FBXO41: variants seen among roughly 807,000 people sequenced by gnomAD.
The protein encoded by FBXO41 is F-box only protein 41.
Under a neutral mutation model 81.6 loss-of-function variants are expected in FBXO41, and 33 were observed. That is an observed-to-expected ratio of 0.40 (90% CI 0.31 to 0.54). The LOEUF (loss-of-function observed/expected upper bound fraction) is 0.54. Among genes scored for constraint, FBXO41 ranks in the 20% least tolerant of loss-of-function variants. The probability of loss-of-function intolerance (pLI) is 0.39; values close to 1 mark genes in which losing one functional copy is unlikely to be tolerated. For synonymous variants in FBXO41, 576 were observed against 552.7 expected, an observed-to-expected ratio of 1.04 and a Z score of -0.59; for missense variants, 1,107 against 1,236.0, an observed-to-expected ratio of 0.90 and a Z score of 1.56.
rs761699672 is a variant in FBXO41, at chr2:73,260,547, G to A, written c.2291C>T (p.Ala764Val). ...GCGVQGLASLARNCMRLQVLE... is the reference protein window; with the variant it reads ...GCGVQGLASLVRNCMRLQVLE... ...GACCTGCAGCCGCATGCAGTTTCTC[G>A]CTAGGAAGAGGAAGAAGGGGGATCC... is the stretch of plus-strand genomic sequence containing the variant. The change falls in exon 11 of 13, where the codon GCG becomes GTG. Residue 764 changes from alanine (A) to valine (V), a missense_variant and splice_region_variant. This residue lies in a region of FBXO41 where 336 missense variants were observed against 446.7 expected (regional missense o/e 0.75). Transcript: ENST00000520530. The surrounding 1 kb of genome is among the most constrained non-coding windows in gnomAD (Gnocchi z 5.0). 1.2e-5 allele frequency: 19 copies of A among 1,586,768 alleles called. No homozygotes were observed. The highest frequency in any genetic ancestry group is 1.7e-4 in the Middle Eastern group (1 of 5,898).
In FBXO41 at chr2:73,266,204, C is replaced by T. The variant is rs1342313360; in HGVS notation, c.1132-238G>A. Among the ~76,000 whole-genome samples the T allele has an allele frequency of 6.6e-6, 1 of 152,170 alleles. No individual in the cohort carries two copies. Among genetic ancestry groups the T allele is most frequent in the East Asian group, 1.9e-4 (1 of 5,178 alleles). On this transcript the variant is annotated intron_variant, in intron 3 of 12. Coordinates refer to ENST00000520530, the MANE Select transcript of FBXO41 (RefSeq NM_001371389.2). The surrounding 1 kb of genome is among the most constrained non-coding windows in gnomAD (Gnocchi z 5.3). Reference sequence around the variant, plus strand: ...CCCCAGCTTGTGGCTCCTGGACTCTCATTTGCAGGGATGGGCAGAGATAGC... The same window carrying T: ...CCCCAGCTTGTGGCTCCTGGACTCTTATTTGCAGGGATGGGCAGAGATAGC...
chr2:73,283,668 G>A (rs1386196133), intron 1 of FBXO41, among the ~76,000 whole-genome samples: 1 of 152,216 alleles, frequency 6.6e-6, no homozygotes, highest in African/African-American at 2.4e-5. Context: ...GATGTGAAGA[G>A]ACAGACACAT....
rs781581407 is a variant in FBXO41, at chr2:73,257,618, A to G, written c.*1364T>C. On this transcript the variant is annotated 3_prime_UTR_variant, in exon 13 of 13. Transcript: ENST00000520530. The surrounding 1 kb of genome is among the most constrained non-coding windows in gnomAD (Gnocchi z 4.6). ...TTTAGATGTTCGAAAGAACTTTCCAAATGAAAGTTGGCAGGACCCCCGGCC... is the reference window on the plus strand; with the variant it reads ...TTTAGATGTTCGAAAGAACTTTCCAGATGAAAGTTGGCAGGACCCCCGGCC... The G allele has an allele frequency of 2.0e-5, 3 of 152,194 alleles. No individual in the cohort carries two copies. Among genetic ancestry groups the G allele is most frequent in the Non-Finnish European group, 4.4e-5 (3 of 68,048 alleles). The allele number at this position is 152,194 out of a possible 1,614,324, so 9.4% of individuals were successfully genotyped here. A position where few individuals can be genotyped will look rare whatever the true frequency, so the allele number is the denominator to read the frequency against.
Position 73,260,637 on chromosome 2 carries a change from C to T in FBXO41, c.2291-90G>A, listed in dbSNP as rs1687982161. ...CTGGCTACCACCCTGCCACCTGCCA[C>T]CACCCAGGCTGCAGCCCCAAGCCCC... On this transcript the variant is annotated intron_variant, in intron 10 of 12. Transcript: ENST00000520530. This position sits in a 1 kb window ranked among gnomAD's most constrained non-coding sequence, Gnocchi z 5.0. 1 of 1,533,720 alleles carries T rather than the reference C, an allele frequency of 6.5e-7. No homozygotes were observed. The highest frequency in any genetic ancestry group is 2.5e-5 in the East Asian group (1 of 40,774).
rs1407328361 is a variant in FBXO41 at position 73,266,444 on chromosome 2, G to A, written c.1131+13C>T. 6.7e-7 allele frequency: 1 copy of A among 1,482,958 alleles called. No individual in the cohort carries two copies. The highest frequency in any genetic ancestry group is 9.0e-7 in the Non-Finnish European group (1 of 1,108,138). The allele number at this position is 1,482,958 out of a possible 1,614,324, so 91.9% of individuals were successfully genotyped here. A position where few individuals can be genotyped will look rare whatever the true frequency, so the allele number is the denominator to read the frequency against. On this transcript the variant is annotated intron_variant, in intron 3 of 12. Transcript: ENST00000520530. The surrounding 1 kb of genome is among the most constrained non-coding windows in gnomAD (Gnocchi z 5.3). Reference sequence around the variant, plus strand: ...GTGTGCAGGTAGAGGAGGGAAGGCAGGTGGGCACTCACCATTCTGCCTGGG... The same window carrying A: ...GTGTGCAGGTAGAGGAGGGAAGGCAAGTGGGCACTCACCATTCTGCCTGGG...
At chr2:73,272,772 A>G (rs1247266012) in intron 1 of FBXO41, among the ~76,000 whole-genome samples, 1 of 152,234 alleles carries the variant, frequency 6.6e-6, no homozygotes, top group Non-Finnish European at 1.5e-5. Flanking sequence ...TTCAAGAACC[A>G]TAACTTTCAT....
rs1442922568 is a variant in FBXO41, at chr2:73,269,952, G to A, written c.-138-184C>T. 6.6e-6 allele frequency among the ~76,000 whole-genome samples: 1 copy of A among 152,200 alleles called. No homozygotes were observed. The highest frequency in any genetic ancestry group is 2.4e-5 in the African/African-American group (1 of 41,460). The stretch of plus-strand genomic sequence containing the variant: ...CCTGTATGTGTGCAAGAGACAGCGA[G>A]AGAATGAGATAATCTGTTTTTAAAG... On this transcript the variant is annotated intron_variant, in intron 1 of 12. Coordinates refer to ENST00000520530, the MANE Select transcript of FBXO41 (RefSeq NM_001371389.2). This position sits in a 1 kb window ranked among gnomAD's most constrained non-coding sequence, Gnocchi z 7.0.
intron 9 of FBXO41, 36 bp downstream of exon 9, chr2:73,263,177 T>C (rs1558581196): frequency 1.3e-6 from 2 of 1,526,800 alleles, no homozygotes; most frequent in Admixed American, 2.0e-5. Context: ...CCCAACCGTG[T>C]CCCCCCTCCT....
Position 73,254,970 on chromosome 2 carries a change from T to TTATAG in FBXO41, c.*4011_*4012insCTATA, listed in dbSNP as rs1687753937. 1 of 152,636 alleles carries TTATAG rather than the reference T, an allele frequency of 6.6e-6. No homozygotes were observed. Among genetic ancestry groups the TTATAG allele is most frequent in the African/African-American group, 2.4e-5 (1 of 41,446 alleles). The allele number at this position is 152,636 out of a possible 1,614,324, so 9.5% of individuals were successfully genotyped here. The stretch of plus-strand genomic sequence containing the variant: ...GTGCTTGGGGCTGGGGAAGCTACCC[T>TTATAG]CTCACTCAGGCCCATTATAGCCTAG... On this transcript the variant is annotated 3_prime_UTR_variant, in exon 13 of 13. Coordinates refer to ENST00000520530, the MANE Select transcript of FBXO41 (RefSeq NM_001371389.2).
At chr2:73,282,410 A>G (rs1198863275) in intron 1 of FBXO41, among the ~76,000 whole-genome samples, 1 of 152,186 alleles carries the variant, frequency 6.6e-6, no homozygotes, top group Non-Finnish European at 1.5e-5. Context: ...CCCCCTTCCC[A>G]TTACAAATAT....
Position 73,260,622 on chromosome 2 carries a change from C to CCCTGCCA in FBXO41, c.2291-82_2291-76dup. The CCCTGCCA allele has an allele frequency of 6.5e-7, 1 of 1,538,548 alleles. No individual in the cohort carries two copies. The stretch of plus-strand genomic sequence containing the variant: ...CCTGCAGCCAGCACCCTGGCTACCA[C>CCCTGCCA]CCTGCCACCTGCCACCACCCAGGCT... On this transcript the variant is annotated intron_variant, in intron 10 of 12. Transcript: ENST00000520530. The surrounding 1 kb of genome is among the most constrained non-coding windows in gnomAD (Gnocchi z 5.0).
chr2:73,263,193 C>T lies in FBXO41; in HGVS notation c.2171+20G>A. ...CCAACCGTGTCCCCCCTCCTATCCC[C>T]CAAACCTGCCAGGGCTCACCAGGGG... On this transcript the variant is annotated intron_variant, in intron 9 of 12. Coordinates refer to ENST00000520530, the MANE Select transcript of FBXO41 (RefSeq NM_001371389.2). 6.4e-7 allele frequency: 1 copy of T among 1,550,634 alleles called. No individual in the cohort carries two copies. Among genetic ancestry groups the T allele is most frequent in the Non-Finnish European group, 8.7e-7 (1 of 1,146,064 alleles).
At position 73,265,895 on chromosome 2, in the gene FBXO41, T is replaced by C. The variant is rs541901177; in HGVS notation, c.1203A>G (p.Thr401=). Residue 401 remains threonine (T), a splice_region_variant and synonymous_variant, in exon 4 of 13, where the codon ACA becomes ACG. Coordinates refer to ENST00000520530, the MANE Select transcript of FBXO41 (RefSeq NM_001371389.2). Reference sequence around the variant, plus strand: ...GGTGGGCTGGGCCCAAGGCTTACCCTGTGCTCGGAGAGGAGCCATGCCGTG... The same window carrying C: ...GGTGGGCTGGGCCCAAGGCTTACCCCGTGCTCGGAGAGGAGCCATGCCGTG... The part of the protein sequence containing the change: ...AVSRHGSSPS[T]GASSRVPAAS... The C allele has an allele frequency of 6.3e-7, 1 of 1,584,672 alleles. No individual in the cohort carries two copies. The highest frequency in any genetic ancestry group is 8.6e-7 in the Non-Finnish European group (1 of 1,165,408).
rs750155407 is a variant in FBXO41, at chr2:73,269,334, C to A, written c.297G>T (p.Ser99=). The stretch of plus-strand genomic sequence containing the variant: ...GGTGCAGCAGGTGCGGCGCCGCGGG[C>A]GACGGCCCGGCCGCCTGCTCCTTGC... The part of the protein sequence containing the change: ...FQGKEQAAGP[S]PAAPHLLHHH... The change falls in exon 2 of 13, where the codon TCG becomes TCT. Residue 99 remains serine, a synonymous_variant. Transcript: ENST00000520530. The surrounding 1 kb of genome is among the most constrained non-coding windows in gnomAD (Gnocchi z 7.0). 5.3e-6 allele frequency: 8 copies of A among 1,521,668 alleles called. No individual in the cohort carries two copies. The highest frequency in any genetic ancestry group is 3.5e-4 in the Middle Eastern group (2 of 5,702). The allele number at this position is 1,521,668 out of a possible 1,614,324, so 94.3% of individuals were successfully genotyped here.
intron 1 of FBXO41, among the ~76,000 whole-genome samples, chr2:73,275,269 G>A (rs1162108309): frequency 6.6e-6 from 1 of 151,534 alleles, no homozygotes; most frequent in Non-Finnish European, 1.5e-5. Flanking sequence ...TGCAACCTCC[G>A]CCTCCTGGGT....
rs1688423074 is a variant in FBXO41, at chr2:73,269,610, C to G, written c.21G>C (p.Pro7=). 3 of 1,284,862 alleles carry G rather than the reference C, an allele frequency of 2.3e-6. No individual in the cohort carries two copies. Among genetic ancestry groups the G allele is most frequent in the South Asian group, 3.8e-5 (2 of 52,618 alleles). The allele number at this position is 1,284,862 out of a possible 1,614,324, so 79.6% of individuals were successfully genotyped here. A position where few individuals can be genotyped will look rare whatever the true frequency, so the allele number is the denominator to read the frequency against. ...GCTCCCCGCAGCGGGGGCAGCGGTA[C>G]GGCAGGTCCAGCGAGGCCATGGCCC... is the stretch of plus-strand genomic sequence containing the variant. MASLDL[P]YRCPRCGEHK... The change falls in exon 2 of 13, where the codon CCG becomes CCC. Residue 7 remains proline (P), a synonymous_variant. Coordinates refer to ENST00000520530, the MANE Select transcript of FBXO41 (RefSeq NM_001371389.2). This position sits in a 1 kb window ranked among gnomAD's most constrained non-coding sequence, Gnocchi z 7.0.
rs920863824 is a variant in FBXO41, at chr2:73,259,833, G to T, written c.2450-537C>A. Among the ~76,000 whole-genome samples the T allele has an allele frequency of 1.3e-4, 20 of 152,248 alleles. 1 individual carries two copies. The highest frequency in any genetic ancestry group is 2.6e-4 in the Non-Finnish European group (18 of 68,012). The stretch of plus-strand genomic sequence containing the variant: ...TCCAGGGTATCCCATGTGGCTGAAG[G>T]GGGAGGAAGGTCTTGGAAAGAGGGT... On this transcript the variant is annotated intron_variant, in intron 11 of 12. Coordinates refer to ENST00000520530, the MANE Select transcript of FBXO41 (RefSeq NM_001371389.2). The surrounding 1 kb of genome is among the most constrained non-coding windows in gnomAD (Gnocchi z 4.2).
intron 1 of FBXO41, among the ~76,000 whole-genome samples, chr2:73,275,831 G>A (rs1218747794): frequency 6.6e-6 from 1 of 151,942 alleles, no homozygotes; most frequent in African/African-American, 2.4e-5. Flanking sequence ...GTGTCTCTCA[G>A]GCTGGAGTGA....
intron 1 of FBXO41, among the ~76,000 whole-genome samples, chr2:73,277,190 G>A (rs959948353): frequency 2.6e-5 from 4 of 152,334 alleles, no homozygotes. Context: ...TGGGGTCCAG[G>A]TGCCTCTTCA....
Sources: allele counts gnomAD v4.1 joint callset (sites outside exome capture counted in the v4.1 genomes callset), GRCh38; gene constraint gnomAD v4.1.1; regional missense constraint gnomAD v4.1.1; non-coding constraint Gnocchi (gnomAD v3.1); transcripts MANE v1.5; gene names NCBI Gene and HGNC (gene_info 2026-07-23, HGNC 2026-07-21).